ICE1: variants seen among roughly 807,000 people sequenced by gnomAD.
ICE1 encodes little elongation complex subunit 1.
In ICE1, 64 loss-of-function variants were observed where a neutral mutation model predicts 192.7. That is an observed-to-expected ratio of 0.33 (90% CI 0.27 to 0.41). The LOEUF is 0.41. Among genes scored for constraint, ICE1 ranks in the 10% least tolerant of loss-of-function variants. The pLI, the probability that ICE1 is intolerant of heterozygous loss-of-function variation, is 1.00. For synonymous variants in ICE1, 1,010 were observed against 984.5 expected (o/e 1.03, Z -0.49); for missense variants, 2,708 against 2,696.0 (o/e 1.00, Z -0.10).
intron 17 of ICE1, among the ~76,000 whole-genome samples, chr5:5,476,583 G>T (rs1033094024): frequency 4.6e-5 from 7 of 152,134 alleles, no homozygotes; most frequent in Non-Finnish European, 7.3e-5. Flanking sequence ...CAGGTAATGG[G>T]GGAACAGATA....
At position 5,435,670 on chromosome 5, in the gene ICE1, T is replaced by G. The variant is rs200129202; in HGVS notation, c.85-748T>G. Among the ~76,000 whole-genome samples, 448 of 115,762 alleles carry G rather than the reference T, an allele frequency of 3.9e-3. 5 individuals are homozygous for G. The highest frequency in any genetic ancestry group is 3.8e-3 in the Middle Eastern group (1 of 266). The allele number at this position is 115,762 out of a possible 152,430, so 75.9% of individuals were successfully genotyped here. On this transcript the variant is annotated intron_variant, in intron 1 of 18. Coordinates refer to ENST00000296564, the MANE Select transcript of ICE1 (RefSeq NM_015325.3). Reference sequence around the variant, plus strand: ...AGCCAAATTTGTGTTTTTTTTTTTTTTTGTTTTGTTTTTGTTTTTTTTTTC... The same window carrying G: ...AGCCAAATTTGTGTTTTTTTTTTTTGTTGTTTTGTTTTTGTTTTTTTTTTC...
At position 5,460,704 on chromosome 5, in the gene ICE1, C is replaced by T; in HGVS notation, c.1370C>T (p.Ser457Phe). 1.9e-6 allele frequency: 3 copies of T among 1,613,910 alleles called. 1 individual carries two copies. The highest frequency in any genetic ancestry group is 4.5e-5 in the East Asian group (2 of 44,890). ...ATLRESSATH[S>F]LVGEKHWTTA... ...CTGAGAGAATCTTCTGCCACACACT[C>T]CTTAGTTGGTGAAAAACACTGGACC... Residue 457 changes from serine (S) to phenylalanine (F), a missense_variant, in exon 13 of 19, where the codon TCC (serine) becomes TTC (phenylalanine). Transcript: ENST00000296564.
At chr5:5,467,702 T>C (rs373575990) in intron 14 of ICE1, among the ~76,000 whole-genome samples, 2 of 152,238 alleles carry the variant, frequency 1.3e-5, no homozygotes, top group East Asian at 3.8e-4. Context: ...ATTCAAAAAT[T>C]AACAGATGAA....
chr5:5,437,991 A>G (rs922342036), intron 3 of ICE1, among the ~76,000 whole-genome samples: 1 of 152,196 alleles, frequency 6.6e-6, no homozygotes, highest in Non-Finnish European at 1.5e-5. Context: ...TACCATCTGT[A>G]CTAGTTGATT....
intron 3 of ICE1, among the ~76,000 whole-genome samples, chr5:5,439,063 A>G (rs1737960587): frequency 1.3e-5 from 2 of 152,168 alleles, no homozygotes; most frequent in Non-Finnish European, 2.9e-5. Flanking sequence ...TATTTCTTCC[A>G]TAACTGCACT....
At chr5:5,433,871 A>C (rs993287993) in intron 1 of ICE1, among the ~76,000 whole-genome samples, 5 of 152,132 alleles carry the variant, frequency 3.3e-5, no homozygotes, top group African/African-American at 7.2e-5. Context: ...AGTTTTTAGC[A>C]AGGGAAAGGC....
chr5:5,483,567 T>C lies in ICE1; in HGVS notation c.6521-3154T>C, dbSNP rs149839209. ...ATAGAAACTGATCTCACTGCAGTGCTCAGTTCTTGGCAGAGCTGAAGCCTA... is the reference window on the plus strand; with the variant it reads ...ATAGAAACTGATCTCACTGCAGTGCCCAGTTCTTGGCAGAGCTGAAGCCTA... On this transcript the variant is annotated intron_variant, in intron 17 of 18. Transcript: ENST00000296564. Among the ~76,000 whole-genome samples the C allele has an allele frequency of 7.2e-5, 11 of 152,316 alleles. No individual in the cohort carries two copies. In the East Asian group the frequency reaches 2.1e-3, roughly 29 times the overall value.
In ICE1 at chr5:5,435,663, T is replaced by G. The variant is rs539437372; in HGVS notation, c.85-755T>G. On this transcript the variant is annotated intron_variant, in intron 1 of 18. Transcript: ENST00000296564. ...AATTTAGAGCCAAATTTGTGTTTTTTTTTTTTTTTGTTTTGTTTTTGTTTT... is the reference window on the plus strand; with the variant it reads ...AATTTAGAGCCAAATTTGTGTTTTTGTTTTTTTTTGTTTTGTTTTTGTTTT... Among the ~76,000 whole-genome samples, 861 of 127,204 alleles carry G rather than the reference T, an allele frequency of 6.8e-3. 7 individuals are homozygous for G. The highest frequency in any genetic ancestry group is 0.06 in the East Asian group (133 of 2,208). 83.5% of individuals were successfully genotyped at this position (127,204 alleles called of 152,430 possible).
Position 5,463,040 on chromosome 5 carries a change from A to G in ICE1, c.3706A>G (p.Ile1236Val), listed in dbSNP as rs765305578. The G allele has an allele frequency of 3.7e-6, 6 of 1,613,858 alleles. No individual in the cohort carries two copies. The highest frequency in any genetic ancestry group is 5.1e-6 in the Non-Finnish European group (6 of 1,179,854). The change falls in exon 13 of 19, where the codon ATT becomes GTT. Residue 1236 changes from isoleucine (I) to valine (V), a missense_variant. Transcript: ENST00000296564. ...EETLGTCEEW[I>V]ESEEDDYSLK... ...AACACTTGGAACCTGTGAAGAGTGG[A>G]TTGAATCAGAGGAAGATGATTATTC...
intron 11 of ICE1, among the ~76,000 whole-genome samples, chr5:5,455,637 A>C (rs1312263534): frequency 6.6e-6 from 1 of 152,232 alleles, no homozygotes; most frequent in East Asian, 1.9e-4. Context: ...ATTTTTCCAA[A>C]GTAGAAGGGA....
chr5:5,463,914 A>G lies in ICE1; in HGVS notation c.4580A>G (p.Asp1527Gly). 1 of 1,614,020 alleles carries G rather than the reference A, an allele frequency of 6.2e-7. No homozygotes were observed. Among genetic ancestry groups the G allele is most frequent in the South Asian group, 1.1e-5 (1 of 91,072 alleles). Residue 1527 changes from aspartate to glycine, a missense_variant, in exon 13 of 19, where the codon GAT becomes GGT. This residue lies in a region of ICE1 where 2,366 missense variants were observed against 2,276.6 expected (regional missense o/e 1.04). Transcript: ENST00000296564. ...ATATGGATTAGTTCTCAAATCTATGATCAAAACTTCGAGACTCAGATTGTT... is the reference window on the plus strand; with the variant it reads ...ATATGGATTAGTTCTCAAATCTATGGTCAAAACTTCGAGACTCAGATTGTT... ...PSIWISSQIY[D>G]QNFETQIVAS...
At chr5:5,454,967 T>C (rs1221630744) in intron 11 of ICE1, among the ~76,000 whole-genome samples, 1 of 152,208 alleles carries the variant, frequency 6.6e-6, no homozygotes, top group African/African-American at 2.4e-5. Flanking sequence ...GTGAGCACTT[T>C]AGCTTCGTTT....
intron 1 of ICE1, among the ~76,000 whole-genome samples, chr5:5,430,911 A>G (rs1473309182): frequency 6.6e-6 from 1 of 152,248 alleles, no homozygotes; most frequent in African/African-American, 2.4e-5. Flanking sequence ...GCTTACTGCT[A>G]TGCCAGGGAC....
intron 1 of ICE1, 106 bp downstream of exon 1, chr5:5,423,105 C>A: frequency 1.7e-6 from 1 of 574,226 alleles, no homozygotes; most frequent in Non-Finnish European, 2.6e-6. Context: ...CAGTGCGCTG[C>A]TCTCCCTTCC....
chr5:5,428,902 A>G (rs1293297632), intron 1 of ICE1, among the ~76,000 whole-genome samples: 2 of 152,194 alleles, frequency 1.3e-5, no homozygotes, highest in African/African-American at 2.4e-5. Context: ...TTCTGAAGAC[A>G]TTTTTGATTG....
chr5:5,429,055 G>A (rs1737616566), intron 1 of ICE1, among the ~76,000 whole-genome samples: 1 of 152,294 alleles, frequency 6.6e-6, no homozygotes, highest in African/African-American at 2.4e-5. Flanking sequence ...GGCAAAGTCT[G>A]GGGAAATCAG....
At chr5:5,451,230 A>C (rs1337310563) in intron 10 of ICE1, among the ~76,000 whole-genome samples, 2 of 152,220 alleles carry the variant, frequency 1.3e-5, no homozygotes, top group East Asian at 3.8e-4. Context: ...AGTAAACAGT[A>C]GGGCAATATT....
At chr5:5,469,355 A>G (rs1190818495) in intron 15 of ICE1, among the ~76,000 whole-genome samples, 1 of 152,174 alleles carries the variant, frequency 6.6e-6, no homozygotes, top group Non-Finnish European at 1.5e-5. Context: ...TCCTATTAGG[A>G]TTTTTAAAAT....
Position 5,460,693 on chromosome 5 carries a change from T to C in ICE1, c.1359T>C (p.Ser453=). The change falls in exon 13 of 19, where the codon TCT becomes TCC. Residue 453 remains serine (S), a synonymous_variant. Coordinates refer to ENST00000296564, the MANE Select transcript of ICE1 (RefSeq NM_015325.3). ...ETFTATLRES[S]ATHSLVGEKH... is the part of the protein sequence containing the mutation. ...TCACAGCAACACTGAGAGAATCTTCTGCCACACACTCCTTAGTTGGTGAAA... is the reference window on the plus strand; with the variant it reads ...TCACAGCAACACTGAGAGAATCTTCCGCCACACACTCCTTAGTTGGTGAAA... 1 of 1,613,986 alleles carries C rather than the reference T, an allele frequency of 6.2e-7. No homozygotes were observed. Among genetic ancestry groups the C allele is most frequent in the Middle Eastern group, 1.6e-4 (1 of 6,062 alleles).
Sources: gnomAD v4.1 joint callset for allele counts (sites outside exome capture counted in the v4.1 genomes callset) on GRCh38, gnomAD v4.1.1 for gene constraint, gnomAD v4.1.1 regional missense constraint, MANE v1.5 for transcripts, NCBI Gene and HGNC (gene_info 2026-07-23, HGNC 2026-07-21) for gene names.